STXBP4: variants seen among roughly 807,000 people sequenced by gnomAD.
STXBP4 encodes the protein syntaxin binding protein 4, also known as syntaxin-binding protein 4.
STXBP4 carries 55 observed loss-of-function variants against 76.1 expected under a neutral mutation model. The ratio of observed to expected loss-of-function variants is 0.72; its 90% CI spans 0.58 to 0.91. The LOEUF (loss-of-function observed/expected upper bound fraction) is 0.91, where lower values mean the gene tolerates loss of function less well. Among genes scored for constraint, STXBP4 ranks in the 40% least tolerant of loss-of-function variants. The pLI, the probability that STXBP4 is intolerant of heterozygous loss-of-function variation, is 0.00. For synonymous variants in STXBP4, 201 were observed against 220.2 expected, an observed-to-expected ratio of 0.91 and a Z score of 0.77; for missense variants, 618 against 636.9, an observed-to-expected ratio of 0.97 and a Z score of 0.32.
intron 12 of STXBP4, among the ~76,000 whole-genome samples, chr17:55,050,192 T>C (rs1424584065): frequency 6.6e-6 from 1 of 152,058 alleles, no homozygotes; most frequent in Non-Finnish European, 1.5e-5. Flanking sequence ...GTTGATAAGC[T>C]AGCAAGATAT....
chr17:55,121,853 T>C (rs911882859), intron 16 of STXBP4, among the ~76,000 whole-genome samples: 3 of 152,108 alleles, frequency 2.0e-5, no homozygotes, highest in African/African-American at 7.2e-5. Flanking sequence ...CTTTCCTGCC[T>C]TCAATACGAA....
At chr17:55,012,557 G>T (rs117003481) in intron 8 of STXBP4, among the ~76,000 whole-genome samples, 7,397 of 152,104 alleles carry the variant, frequency 0.049, 247 homozygotes, top group Middle Eastern at 0.1. Context: ...GTGTTCCCTC[G>T]GAAGTTAGGA....
At chr17:55,159,167 C>A (rs997446052) in intron 17 of STXBP4, among the ~76,000 whole-genome samples, 2 of 152,138 alleles carry the variant, frequency 1.3e-5, no homozygotes, top group African/African-American at 4.8e-5. Flanking sequence ...ATTCCTTGAA[C>A]CCCAGGGGAC....
At chr17:55,180,340 A>C in the STXBP4 span, among the ~76,000 whole-genome samples, 1 of 152,242 alleles carries the variant, frequency 6.6e-6, no homozygotes, top group African/African-American at 2.4e-5. Context: ...TCTTCTTTGC[A>C]TAAGGAGAAA....
At chr17:55,141,492 T>A in intron 17 of STXBP4, 125 bp downstream of exon 17, 1 of 684,492 alleles carries the variant, frequency 1.5e-6, no homozygotes, top group South Asian at 2.6e-5. Context: ...TAACAAGAAA[T>A]GAAGCCTCAC....
At chr17:55,072,431 C>T (rs576806179) in intron 12 of STXBP4, among the ~76,000 whole-genome samples, 2 of 152,240 alleles carry the variant, frequency 1.3e-5, no homozygotes, top group Middle Eastern at 3.4e-3. Flanking sequence ...GATAGATTGA[C>T]GTCCATGAGA....
chr17:54,989,628 A>G (rs2077684302), intron 3 of STXBP4, among the ~76,000 whole-genome samples: 2 of 152,230 alleles, frequency 1.3e-5, no homozygotes, highest in Admixed American at 6.5e-5. Flanking sequence ...TAAATATTAA[A>G]TTAAATGTCA....
intron 4 of STXBP4, chr17:54,991,180 A>G (rs1360641670): frequency 3.3e-6 from 1 of 299,320 alleles, no homozygotes. Context: ...TGACTGTAAG[A>G]TAAGGTTATT....
In STXBP4 at chr17:55,142,381, A is replaced by G. The variant is rs544174037; in HGVS notation, c.1547+1014A>G. 3.3e-5 allele frequency among the ~76,000 whole-genome samples: 5 copies of G among 152,340 alleles called. 1 individual carries two copies. The highest frequency in any genetic ancestry group is 2.1e-4 in the South Asian group (1 of 4,826). On this transcript the variant is annotated intron_variant, in intron 17 of 17. Transcript: ENST00000376352. ...TGCATTTTGGGAGGAAAAGGGAGAC[A>G]TGTCCTTGCTATCCCCTTTCAAATG...
chr17:55,065,608 A>G (rs2144840595), intron 12 of STXBP4, among the ~76,000 whole-genome samples: 1 of 151,882 alleles, frequency 6.6e-6, no homozygotes, highest in South Asian at 2.1e-4. Context: ...GAATTGGAGA[A>G]TTAGGAAAGT....
chr17:55,032,225 T>C (rs982794662), intron 9 of STXBP4, among the ~76,000 whole-genome samples: 1 of 152,150 alleles, frequency 6.6e-6, no homozygotes, highest in African/African-American at 2.4e-5. Flanking sequence ...ATTGTATTAT[T>C]TATAAAGCAT....
rs149539737 is a variant in STXBP4 at position 55,131,251 on chromosome 17, T to G, written c.1490-10059T>G. Among the ~76,000 whole-genome samples, 406 of 152,356 alleles carry G rather than the reference T, an allele frequency of 2.7e-3. 3 individuals carry two copies. The highest frequency in any genetic ancestry group is 9.2e-3 in the African/African-American group (381 of 41,592). ...TATCTCATTGTGATTTTATTTTGCA[T>G]TTCCCTGATGATTATTCATGGTGAA... On this transcript the variant is annotated intron_variant, in intron 16 of 17. Coordinates refer to ENST00000376352, the MANE Select transcript of STXBP4 (RefSeq NM_178509.6).
At chr17:55,071,756 C>A (rs2079122399) in intron 12 of STXBP4, among the ~76,000 whole-genome samples, 1 of 152,072 alleles carries the variant, frequency 6.6e-6, no homozygotes, top group African/African-American at 2.4e-5. Flanking sequence ...CATTCCTAAC[C>A]CTCCCAGCAC....
At chr17:55,176,342 G>A (rs2080430752), downstream of STXBP4, among the ~76,000 whole-genome samples, 1 of 152,200 alleles carries the variant, frequency 6.6e-6, no homozygotes, top group South Asian at 2.1e-4. Flanking sequence ...CGTAGATATT[G>A]ACGAGGCATG....
chr17:55,043,901 T>C, intron 11 of STXBP4: 2 of 394,776 alleles, frequency 5.1e-6, no homozygotes, highest in South Asian at 9.2e-5. Flanking sequence ...CAGGCTGGAG[T>C]GCAATACTGC....
intron 16 of STXBP4, among the ~76,000 whole-genome samples, chr17:55,096,157 T>C (rs952693217): frequency 2.0e-5 from 3 of 152,092 alleles, no homozygotes; most frequent in Non-Finnish European, 4.4e-5. Context: ...GTTTGGGTTT[T>C]GTTTTGTTTT....
chr17:55,149,258 C>G (rs780405471), intron 17 of STXBP4, among the ~76,000 whole-genome samples: 6 of 152,100 alleles, frequency 3.9e-5, no homozygotes, highest in Non-Finnish European at 8.8e-5. Flanking sequence ...AGCACAGGGC[C>G]TGGTATTTGT....
the STXBP4 span, among the ~76,000 whole-genome samples, chr17:55,191,121 C>T: frequency 3.9e-5 from 6 of 152,140 alleles, no homozygotes; most frequent in Non-Finnish European, 7.4e-5. Context: ...GAGTGCAGAT[C>T]TTTTATTCCC....
At chr17:55,202,701 C>T in the STXBP4 span, among the ~76,000 whole-genome samples, 7 of 152,180 alleles carry the variant, frequency 4.6e-5, no homozygotes, top group South Asian at 2.1e-4. Context: ...GTTTAATAGG[C>T]GTGGTTTATT....
Sources: allele counts gnomAD v4.1 joint callset (sites outside exome capture counted in the v4.1 genomes callset), GRCh38; gene constraint gnomAD v4.1.1; transcripts MANE v1.5; gene names NCBI Gene and HGNC (gene_info 2026-07-23, HGNC 2026-07-21).